Variants in HCN1 observed in about 807,000 individuals in gnomAD.
HCN1 encodes the protein hyperpolarization activated cyclic nucleotide gated potassium channel 1.
In HCN1, 13 loss-of-function variants were observed where a neutral mutation model predicts 78.9. That is an observed-to-expected ratio of 0.16 (90% CI 0.11 to 0.26). HCN1 has a LOEUF of 0.26. Ranked by LOEUF, HCN1 falls within the 10% of genes least tolerant of loss-of-function variation. The pLI, the probability that HCN1 is intolerant of heterozygous loss-of-function variation, is 1.00. For synonymous variants in HCN1, 552 were observed against 455.5 expected, an observed-to-expected ratio of 1.21 and a Z score of -2.70; for missense variants, 810 against 1,154.3, an observed-to-expected ratio of 0.70 and a Z score of 4.32.
intron 2 of HCN1, among the ~76,000 whole-genome samples, chr5:45,535,565 TC>T (rs1561192449): frequency 6.6e-6 from 1 of 151,720 alleles, no homozygotes; most frequent in African/African-American, 2.4e-5. Context: ...GCCACTGCCC[TC>T]CAGCCTAGGG....
Position 45,648,642 on chromosome 5 carries a change from ACCTAATTG to A in HCN1, c.426-3042_426-3035del, listed in dbSNP as rs554639430. 6.4e-3 allele frequency among the ~76,000 whole-genome samples: 980 copies of A among 152,174 alleles called. 5 individuals are homozygous for A. The highest frequency in any genetic ancestry group is 0.023 in the African/African-American group (947 of 41,528). Reference sequence around the variant, plus strand: ...AAAATTGACCTCATGAAAATCTCTTACCTAATTGCCCATGAGTCTTTCTTTCTAGCTCT... The same window carrying A: ...AAAATTGACCTCATGAAAATCTCTTACCCATGAGTCTTTCTTTCTAGCTCT... On this transcript the variant is annotated intron_variant, in intron 1 of 7. Transcript: ENST00000303230.
intron 2 of HCN1, among the ~76,000 whole-genome samples, chr5:45,607,022 TA>T (rs1394864721): frequency 2.0e-5 from 3 of 151,678 alleles, no homozygotes; most frequent in Admixed American, 2.0e-4. Flanking sequence ...CAAAGAAAGT[TA>T]AAAAAATATG....
chr5:45,334,076 A>T (rs1038539545), intron 5 of HCN1, among the ~76,000 whole-genome samples: 2 of 151,888 alleles, frequency 1.3e-5, no homozygotes, highest in African/African-American at 4.8e-5. Context: ...AGATCACTTA[A>T]AATAGTCATG....
rs1392719926 is a variant in HCN1, at chr5:45,616,015, G to T, written c.849+29170C>A. Among the ~76,000 whole-genome samples the T allele has an allele frequency of 3.3e-5, 5 of 149,946 alleles. No individual in the cohort carries two copies. The South Asian group carries it at 1.0e-3, about 31-fold the overall frequency. ...ATGCTAAATAATTTTACATACCCAGGAAGTATGCAAATGAAAATGACTAAA... is the reference window on the plus strand; with the variant it reads ...ATGCTAAATAATTTTACATACCCAGTAAGTATGCAAATGAAAATGACTAAA... On this transcript the variant is annotated intron_variant, in intron 2 of 7. Transcript: ENST00000303230.
chr5:45,410,548 A>T (rs1740003391), intron 3 of HCN1, among the ~76,000 whole-genome samples: 1 of 152,098 alleles, frequency 6.6e-6, no homozygotes, highest in African/African-American at 2.4e-5. Context: ...AAGTATTTTT[A>T]AAAGTCATAT....
intron 2 of HCN1, among the ~76,000 whole-genome samples, chr5:45,630,056 TAA>T (rs1316970233): frequency 6.6e-6 from 1 of 152,124 alleles, no homozygotes; most frequent in Non-Finnish European, 1.5e-5. Flanking sequence ...TGCTAATACC[TAA>T]AAGAGTGTCT....
chr5:45,308,567 C>T (rs1745785066), intron 5 of HCN1, among the ~76,000 whole-genome samples: 1 of 151,970 alleles, frequency 6.6e-6, no homozygotes, highest in Non-Finnish European at 1.5e-5. Context: ...TGGAATGTGT[C>T]TGTTTATATT....
chr5:45,582,314 C>A (rs1242072203), intron 2 of HCN1, among the ~76,000 whole-genome samples: 1 of 151,928 alleles, frequency 6.6e-6, no homozygotes, highest in Non-Finnish European at 1.5e-5. Context: ...TGATTTGGCT[C>A]TCTGTTTGTC....
intron 4 of HCN1, among the ~76,000 whole-genome samples, chr5:45,373,109 T>A (rs963145532): frequency 7.6e-6 from 1 of 131,608 alleles, no homozygotes; most frequent in Non-Finnish European, 1.6e-5. Flanking sequence ...ATAAAATACA[T>A]ATAGTATATC....
intron 2 of HCN1, among the ~76,000 whole-genome samples, chr5:45,563,524 G>C (rs1036603753): frequency 2.0e-5 from 3 of 151,928 alleles, no homozygotes; most frequent in African/African-American, 7.2e-5. Context: ...TTTATGAATT[G>C]AACAATATGT....
intron 3 of HCN1, among the ~76,000 whole-genome samples, chr5:45,441,567 G>T (rs1242828591): frequency 6.6e-6 from 1 of 152,184 alleles, no homozygotes; most frequent in Non-Finnish European, 1.5e-5. Context: ...TTTCAGTCCA[G>T]CCTGGACACC....
chr5:45,601,985 C>T (rs1452193810), intron 2 of HCN1, among the ~76,000 whole-genome samples: 1 of 152,034 alleles, frequency 6.6e-6, no homozygotes, highest in Non-Finnish European at 1.5e-5. Flanking sequence ...CAAGCCTGTT[C>T]TTGTGATAGT....
rs182989675 is a variant in HCN1, at chr5:45,670,632, T to C, written c.426-25024A>G. Among the ~76,000 whole-genome samples, 420 of 151,896 alleles carry C rather than the reference T, an allele frequency of 2.8e-3. 1 individual carries two copies. Among genetic ancestry groups the C allele is most frequent in the Non-Finnish European group, 3.9e-3 (263 of 67,796 alleles). ...AACGAAGTCTCAATTTACTCTGCTG[T>C]AACATGCAAACATACATTTCTCTAA... On this transcript the variant is annotated intron_variant, in intron 1 of 7. Coordinates refer to ENST00000303230, the MANE Select transcript of HCN1 (RefSeq NM_021072.4).
intron 2 of HCN1, among the ~76,000 whole-genome samples, chr5:45,636,059 T>C (rs1454236368): frequency 6.6e-6 from 1 of 152,210 alleles, no homozygotes; most frequent in Non-Finnish European, 1.5e-5. Flanking sequence ...TTTAACATTT[T>C]CATCAGAGAT....
chr5:45,553,153 C>G (rs1203587430), intron 2 of HCN1, among the ~76,000 whole-genome samples: 1 of 151,840 alleles, frequency 6.6e-6, no homozygotes, highest in Non-Finnish European at 1.5e-5. Context: ...GCCCAGAAAT[C>G]TCATCAATCA....
rs200649756 is a variant in HCN1 at position 45,346,427 on chromosome 5, C to T, written c.1377+6673G>A. 5.3e-5 allele frequency among the ~76,000 whole-genome samples: 8 copies of T among 152,076 alleles called. No individual in the cohort carries two copies. In the East Asian group the frequency reaches 7.8e-4, roughly 15 times the overall value. On this transcript the variant is annotated intron_variant, in intron 5 of 7. Coordinates refer to ENST00000303230, the MANE Select transcript of HCN1 (RefSeq NM_021072.4). Reference sequence around the variant, plus strand: ...AACAGCTCTGGTCTACAGCTCCCAGCGTGAGTGACACAGAAGATGGGTGAT... The same window carrying T: ...AACAGCTCTGGTCTACAGCTCCCAGTGTGAGTGACACAGAAGATGGGTGAT...
rs1744707803 is a variant in HCN1 at position 45,260,382 on chromosome 5, G to A, written c.*1539C>T. On this transcript the variant is annotated 3_prime_UTR_variant, in exon 8 of 8. Transcript: ENST00000303230. ...TAAGGGAGTTCTTTGAGAAGAAGCA[G>A]GTGCTCACAGATCATGTAAAGAGTT... The A allele has an allele frequency of 6.6e-6, 1 of 152,176 alleles. No individual in the cohort carries two copies. Among genetic ancestry groups the A allele is most frequent in the Non-Finnish European group, 1.5e-5 (1 of 68,034 alleles). The allele number at this position is 152,176 out of a possible 1,614,324, so 9.4% of individuals were successfully genotyped here.
rs374288763 is a variant in HCN1, at chr5:45,671,366, A to G, written c.425+24303T>C. On this transcript the variant is annotated intron_variant, in intron 1 of 7. Coordinates refer to ENST00000303230, the MANE Select transcript of HCN1 (RefSeq NM_021072.4). ...CAGCAAATCATGTTCAGTATGCATT[A>G]GATTATCTGCTATTATATATTATTA... Among the ~76,000 whole-genome samples the G allele has an allele frequency of 3.0e-4, 46 of 151,582 alleles. No homozygotes were observed. The South Asian group carries it at 9.1e-3, about 30-fold the overall frequency.
chr5:45,523,341 C>T (rs994810609), intron 2 of HCN1, among the ~76,000 whole-genome samples: 15 of 151,980 alleles, frequency 9.9e-5, no homozygotes, highest in Non-Finnish European at 1.6e-4. Flanking sequence ...GTCTTTATAG[C>T]AGCATGATTT....
Sources: gnomAD v4.1 joint callset for allele counts (sites outside exome capture counted in the v4.1 genomes callset) on GRCh38, gnomAD v4.1.1 for gene constraint, MANE v1.5 for transcripts, NCBI Gene and HGNC (gene_info 2026-07-23, HGNC 2026-07-21) for gene names.